PNN: variants seen among roughly 807,000 people sequenced by gnomAD.
PNN encodes pinin, desmosome associated protein.
A neutral mutation model predicts 76.6 loss-of-function variants in PNN; 38 were observed. The ratio of observed to expected loss-of-function variants is 0.50; its 90% CI spans 0.38 to 0.65. The LOEUF (loss-of-function observed/expected upper bound fraction) is 0.65. Ranked by LOEUF, PNN falls within the 30% of genes least tolerant of loss-of-function variation. The pLI is 0.00. For synonymous variants in PNN, 366 were observed against 283.7 expected, an observed-to-expected ratio of 1.29 and a Z score of -2.91; for missense variants, 873 against 874.1, an observed-to-expected ratio of 1.00 and a Z score of 0.02.
In PNN at chr14:39,180,625, G is replaced by C. The variant is rs2053262033; in HGVS notation, c.916G>C (p.Glu306Gln). The change falls in exon 9 of 9, where the codon GAA becomes CAA. Residue 306 changes from glutamate (E) to glutamine (Q), a missense_variant. Glu to Gln is a conservative substitution (Grantham distance 29). Around this residue, in one of 3 missense-constraint regions of PNN, gnomAD observed 712 missense variants for 693.1 expected, o/e 1.03. Transcript: ENST00000216832. The stretch of plus-strand genomic sequence containing the variant: ...GGTGCGTAATGAAGAACAGAAGGCG[G>C]AACAAGAAGAGGGTAAGGTGGCTCA... ...QVVRNEEQKA[E>Q]QEEGKVAQRE... 6.2e-7 allele frequency: 1 copy of C among 1,613,900 alleles called. No individual in the cohort carries two copies. The highest frequency in any genetic ancestry group is 1.7e-5 in the Admixed American group (1 of 59,946).
intron 6 of PNN, among the ~76,000 whole-genome samples, chr14:39,178,746 A>AAAT (rs1491097524): frequency 4.9e-5 from 6 of 123,604 alleles, no homozygotes; most frequent in African/African-American, 1.9e-4. Context: ...AAAAAAAAAA[A>AAAT]TTTTTTTTGA....
Position 39,179,466 on chromosome 14 carries a change from A to T in PNN, c.793+4A>T, listed in dbSNP as rs751130216. On this transcript the variant is annotated splice_donor_region_variant and intron_variant, in intron 8 of 8. Coordinates refer to ENST00000216832, the MANE Select transcript of PNN (RefSeq NM_002687.4). ...GAGTCACAGAGAAAAATGAACGGTA[A>T]GTATGCGAAGAGGTCCATTGAATTG... is the stretch of plus-strand genomic sequence containing the variant. The T allele has an allele frequency of 6.2e-7, 1 of 1,609,914 alleles. No individual in the cohort carries two copies. The highest frequency in any genetic ancestry group is 1.1e-5 in the South Asian group (1 of 90,700).
At position 39,179,194 on chromosome 14, in the gene PNN, C is replaced by A; in HGVS notation, c.602C>A (p.Ala201Asp). Reference sequence around the variant, plus strand: ...AGAGAACTGTTTGAAGAGAGGCGTGCTAAACAGACAGAACTGCGGCTTTTG... The same window carrying A: ...AGAGAACTGTTTGAAGAGAGGCGTGATAAACAGACAGAACTGCGGCTTTTG... ...ERRELFEERR[A>D]KQTELRLLEQ... is the part of the protein sequence containing the mutation. The change falls in exon 7 of 9, where the codon GCT becomes GAT. Residue 201 changes from alanine (A) to aspartate (D), a missense_variant. By Grantham distance (126) the Ala-to-Asp change is moderately radical. Around this residue, in one of 3 missense-constraint regions of PNN, gnomAD observed 712 missense variants for 693.1 expected, o/e 1.03. Transcript: ENST00000216832. 6.2e-7 allele frequency: 1 copy of A among 1,613,910 alleles called. No individual in the cohort carries two copies. The highest frequency in any genetic ancestry group is 1.1e-5 in the South Asian group (1 of 90,994).
rs764543048 is a variant in PNN, at chr14:39,177,392, A to G, written c.255-20A>G. ...TATAGTGAAACCCTGTCTCAAAAAA[A>G]TTAATATTTTCTATGACAGGCTGGG... On this transcript the variant is annotated intron_variant, in intron 3 of 8. Coordinates refer to ENST00000216832, the MANE Select transcript of PNN (RefSeq NM_002687.4). The G allele has an allele frequency of 6.2e-7, 1 of 1,609,822 alleles. No individual in the cohort carries two copies. Among genetic ancestry groups the G allele is most frequent in the Non-Finnish European group, 8.5e-7 (1 of 1,176,954 alleles).
intron 1 of PNN, 22 bp downstream of exon 1, chr14:39,175,414 G>A (rs1300227592): frequency 6.9e-7 from 1 of 1,439,568 alleles, no homozygotes; most frequent in Non-Finnish European, 9.7e-7. Flanking sequence ...ACGGGAACTC[G>A]GAACTCGGAG....
Position 39,177,490 on chromosome 14 carries a change from G to A in PNN, c.327+6G>A. On this transcript the variant is annotated splice_donor_region_variant and intron_variant, in intron 4 of 8. Transcript: ENST00000216832. ...AGGATGATGATGTTAAAAAGGTATTGAGATTGAAAGAACTTAAATGAATGT... is the reference window on the plus strand; with the variant it reads ...AGGATGATGATGTTAAAAAGGTATTAAGATTGAAAGAACTTAAATGAATGT... 1.2e-6 allele frequency: 2 copies of A among 1,612,580 alleles called. No individual in the cohort carries two copies. Among genetic ancestry groups the A allele is most frequent in the South Asian group, 1.1e-5 (1 of 90,992 alleles).
intron 6 of PNN, 87 bp downstream of exon 6, chr14:39,178,003 T>C: frequency 1.1e-6 from 1 of 872,386 alleles, no homozygotes; most frequent in Non-Finnish European, 1.9e-6. Flanking sequence ...CTTAAAGCTC[T>C]TTTAAGACCT....
chr14:39,179,528 G>T, intron 8 of PNN, 66 bp downstream of exon 8: 1 of 1,278,112 alleles, frequency 7.8e-7, no homozygotes, highest in South Asian at 1.5e-5. Flanking sequence ...ATATGCACAC[G>T]TTTGTTTTCT....
At chr14:39,178,930 G>A in intron 6 of PNN, 161 bp from the exon 7 acceptor site, 1 of 623,078 alleles carries the variant, frequency 1.6e-6, no homozygotes, top group Non-Finnish European at 2.7e-6. Flanking sequence ...TAGTAGAGAT[G>A]GTGGTGTTGG....
chr14:39,177,380 T>C, intron 3 of PNN, 32 bp from the exon 4 acceptor site: 1 of 1,589,024 alleles, frequency 6.3e-7, no homozygotes, highest in Non-Finnish European at 8.6e-7. Context: ...AGTGAAACCC[T>C]GTCTCAAAAA....
At position 39,181,034 on chromosome 14, in the gene PNN, T is replaced by G; in HGVS notation, c.1325T>G (p.Leu442Arg). 1.2e-6 allele frequency: 2 copies of G among 1,612,530 alleles called. No homozygotes were observed. The highest frequency in any genetic ancestry group is 1.7e-6 in the Non-Finnish European group (2 of 1,179,226). ...GAGCCAGATAAAGAATGTAAAACCC[T>G]TTCTCCTGGGAAAGAGAATGTCAGT... ...EIEPDKECKT[L>R]SPGKENVSAL... The change falls in exon 9 of 9, where the codon CTT (leucine) becomes CGT (arginine). Residue 442 changes from leucine (L) to arginine (R), a missense_variant. Around this residue, in one of 3 missense-constraint regions of PNN, gnomAD observed 712 missense variants for 693.1 expected, o/e 1.03. Transcript: ENST00000216832.
chr14:39,177,466 GGAT>G lies in PNN; in HGVS notation c.317_319del (p.Asp106del). The stretch of plus-strand genomic sequence containing the variant: ...AATCACGCCAGGAAAGCGACCCGGA[GGAT>G]GATGATGTTAAAAAGGTATTGAGAT... On this transcript the variant is annotated inframe_deletion, in exon 4 of 9. Transcript: ENST00000216832. The G allele has an allele frequency of 6.2e-7, 1 of 1,613,892 alleles. No homozygotes were observed. The highest frequency in any genetic ancestry group is 1.6e-4 in the Middle Eastern group (1 of 6,062).
rs1354477447 is a variant in PNN at position 39,176,567 on chromosome 14, CAGAG to C, written c.230_233del (p.Arg77ThrfsTer40). Reference sequence around the variant, plus strand: ...TAGTGGAGGAGGACCCCCAGCCAAACAGAGAGACCTTGAAGGGGCAGTCAGTAGG... The same window carrying C: ...TAGTGGAGGAGGACCCCCAGCCAAACAGACCTTGAAGGGGCAGTCAGTAGG... On this transcript the variant is annotated frameshift_variant, in exon 3 of 9. Coordinates refer to ENST00000216832, the MANE Select transcript of PNN (RefSeq NM_002687.4). LOFTEE classifies it high-confidence loss of function. The C allele has an allele frequency of 1.2e-6, 2 of 1,608,116 alleles. No homozygotes were observed. The highest frequency in any genetic ancestry group is 1.7e-6 in the Non-Finnish European group (2 of 1,178,082).
rs929322244 is a variant in PNN, at chr14:39,179,210, G to A, written c.618G>A (p.Leu206=). The A allele has an allele frequency of 4.3e-6, 7 of 1,612,708 alleles. No homozygotes were observed. The Admixed American group carries it at 5.0e-5, about 12-fold the overall frequency. Residue 206 remains leucine, a synonymous_variant, in exon 7 of 9, where the codon CTG becomes CTA. Transcript: ENST00000216832. ...FEERRAKQTE[L]RLLEQKVELA... is the part of the protein sequence containing the mutation. Reference sequence around the variant, plus strand: ...AGAGGCGTGCTAAACAGACAGAACTGCGGCTTTTGGAACAGAAAGTTGAGC... The same window carrying A: ...AGAGGCGTGCTAAACAGACAGAACTACGGCTTTTGGAACAGAAAGTTGAGC...
chr14:39,175,683 G>C, intron 1 of PNN: 1 of 485,466 alleles, frequency 2.1e-6, no homozygotes, highest in African/African-American at 2.0e-5. Context: ...GGCCCTGCAG[G>C]CCCGGAACTG....
Position 39,179,454 on chromosome 14 carries a change from A to G in PNN, c.785A>G (p.Lys262Arg). 6.2e-7 allele frequency: 1 copy of G among 1,611,930 alleles called. No individual in the cohort carries two copies. The highest frequency in any genetic ancestry group is 8.5e-7 in the Non-Finnish European group (1 of 1,179,262). ...TQKLIEESQRKMNALFEGRRI... is the reference protein window; with the variant it reads ...TQKLIEESQRRMNALFEGRRI... ...AAACTAATAGAAGAGTCACAGAGAA[A>G]AATGAACGGTAAGTATGCGAAGAGG... Residue 262 changes from lysine (K) to arginine (R), a missense_variant, in exon 8 of 9, where the codon AAA becomes AGA. Physicochemically the swap from Lys to Arg is conservative, Grantham distance 26. Transcript: ENST00000216832.
At position 39,180,938 on chromosome 14, in the gene PNN, G is replaced by A. The variant is rs780044630; in HGVS notation, c.1229G>A (p.Arg410Gln). 2 of 1,613,960 alleles carry A rather than the reference G, an allele frequency of 1.2e-6. No individual in the cohort carries two copies. Among genetic ancestry groups the A allele is most frequent in the Admixed American group, 1.7e-5 (1 of 59,998 alleles). Residue 410 changes from arginine to glutamine, a missense_variant, in exon 9 of 9, where the codon CGA becomes CAA. By Grantham distance (43) the Arg-to-Gln change is conservative. Coordinates refer to ENST00000216832, the MANE Select transcript of PNN (RefSeq NM_002687.4). ...GACCAGGAGGTAATGGAAACTAATC[G>A]AGTTGAAAGTGTAGAACCTTCAGAA... Reference protein sequence around the residue: ...IADQEVMETNRVESVEPSENE... With the variant: ...IADQEVMETNQVESVEPSENE...
chr14:39,179,214 C>T lies in PNN; in HGVS notation c.622C>T (p.Leu208Phe). 1.2e-6 allele frequency: 2 copies of T among 1,612,596 alleles called. No individual in the cohort carries two copies. Among genetic ancestry groups the T allele is most frequent in the Non-Finnish European group, 1.7e-6 (2 of 1,179,706 alleles). The change falls in exon 7 of 9, where the codon CTT (leucine) becomes TTT (phenylalanine). Residue 208 changes from leucine (L) to phenylalanine (F), a missense_variant. This residue lies in a region of PNN where 712 missense variants were observed against 693.1 expected (regional missense o/e 1.03). Transcript: ENST00000216832. Reference protein sequence around the residue: ...ERRAKQTELRLLEQKVELAQL... With the variant: ...ERRAKQTELRFLEQKVELAQL... Reference sequence around the variant, plus strand: ...GCGTGCTAAACAGACAGAACTGCGGCTTTTGGAACAGAAAGTTGAGCTTGC... The same window carrying T: ...GCGTGCTAAACAGACAGAACTGCGGTTTTTGGAACAGAAAGTTGAGCTTGC...
intron 8 of PNN, 134 bp downstream of exon 8, chr14:39,179,596 A>G (rs1373040894): frequency 1.1e-4 from 84 of 797,832 alleles, no homozygotes; most frequent in East Asian, 2.7e-5. Flanking sequence ...TTTAAATAAG[A>G]TAATAAGATA....
Sources: gnomAD v4.1 joint callset for allele counts (sites outside exome capture counted in the v4.1 genomes callset) on GRCh38, gnomAD v4.1.1 for gene constraint, gnomAD v4.1.1 regional missense constraint, MANE v1.5 for transcripts, NCBI Gene and HGNC (gene_info 2026-07-23, HGNC 2026-07-21) for gene names.